RNF220: variants seen among roughly 807,000 people sequenced by gnomAD.
RNF220 encodes E3 ubiquitin-protein ligase RNF220.
RNF220 carries 7 observed loss-of-function variants against 67.1 expected under a neutral mutation model. The observed-to-expected ratio is 0.10, with a 90% CI of 0.06 to 0.20. RNF220 has a LOEUF of 0.20. Ranked by LOEUF, RNF220 falls within the 10% of genes least tolerant of loss-of-function variation. The pLI, the probability that RNF220 is intolerant of heterozygous loss-of-function variation, is 1.00. For missense variants in RNF220, 565 were observed against 740.3 expected, an observed-to-expected ratio of 0.76 and a Z score of 2.75; for synonymous variants, 270 against 283.2, an observed-to-expected ratio of 0.95 and a Z score of 0.47.
intron 3 of RNF220, among the ~76,000 whole-genome samples, chr1:44,617,584 C>T (rs1643613857): frequency 6.6e-6 from 1 of 152,252 alleles, no homozygotes; most frequent in Non-Finnish European, 1.5e-5. Flanking sequence ...CCAGCCTTGG[C>T]TGCCCTTGCC....
intron 2 of RNF220, among the ~76,000 whole-genome samples, chr1:44,585,815 T>C (rs912408550): frequency 6.6e-6 from 1 of 152,154 alleles, no homozygotes; most frequent in African/African-American, 2.4e-5. Context: ...GTTGGGAAGA[T>C]TGTTGTGAGA....
rs969855895 is a variant in RNF220, at chr1:44,504,185, T to C, written c.625+91463T>C. 3.9e-5 allele frequency among the ~76,000 whole-genome samples: 6 copies of C among 152,176 alleles called. 1 individual carries two copies. Among genetic ancestry groups the C allele is most frequent in the Non-Finnish European group, 7.3e-5 (5 of 68,036 alleles). ...TTAACAGGCTCTCAGATCATTCTGATGCTCCGTAAAGTTCTAGGTATGCTG... is the reference window on the plus strand; with the variant it reads ...TTAACAGGCTCTCAGATCATTCTGACGCTCCGTAAAGTTCTAGGTATGCTG... On this transcript the variant is annotated intron_variant, in intron 2 of 14. Transcript: ENST00000361799.
intron 2 of RNF220, among the ~76,000 whole-genome samples, chr1:44,542,945 A>G: frequency 6.6e-6 from 1 of 151,974 alleles, no homozygotes; most frequent in East Asian, 1.9e-4. Flanking sequence ...GGCCCGCTCC[A>G]GGGCCAGCCG....
intron 2 of RNF220, among the ~76,000 whole-genome samples, chr1:44,575,837 T>TA (rs1205480060): frequency 2.0e-5 from 3 of 152,330 alleles, no homozygotes; most frequent in East Asian, 3.9e-4. Flanking sequence ...ATCAAAGGGA[T>TA]CACTGTGCTT....
At chr1:44,589,592 T>C (rs549657537) in intron 2 of RNF220, among the ~76,000 whole-genome samples, 27 of 133,304 alleles carry the variant, frequency 2.0e-4, no homozygotes, top group Middle Eastern at 9.6e-3. Context: ...CCAGCCTGGG[T>C]GACAGAGCGA....
At chr1:44,416,258 C>G (rs1217935352) in intron 2 of RNF220, among the ~76,000 whole-genome samples, 1 of 152,232 alleles carries the variant, frequency 6.6e-6, no homozygotes, top group African/African-American at 2.4e-5. Context: ...TTGAATCAGT[C>G]CCCAAGACTC....
At chr1:44,547,013 G>A (rs1662214409) in intron 2 of RNF220, among the ~76,000 whole-genome samples, 1 of 152,210 alleles carries the variant, frequency 6.6e-6, no homozygotes. Context: ...GAAGGGAGAA[G>A]AAAACCAAGG....
At chr1:44,430,759 C>A (rs1400988365) in intron 2 of RNF220, among the ~76,000 whole-genome samples, 1 of 152,208 alleles carries the variant, frequency 6.6e-6, no homozygotes, top group Non-Finnish European at 1.5e-5. Context: ...CTTGGCCAGG[C>A]TGGTCTTGAA....
intron 2 of RNF220, among the ~76,000 whole-genome samples, chr1:44,528,060 C>T (rs1660538079): frequency 6.6e-6 from 1 of 151,394 alleles, no homozygotes; most frequent in African/African-American, 2.4e-5. Flanking sequence ...CAACAAAAGC[C>T]CCACCATAAA....
chr1:44,467,824 C>T (rs1443395127), intron 2 of RNF220, among the ~76,000 whole-genome samples: 1 of 152,152 alleles, frequency 6.6e-6, no homozygotes, highest in Non-Finnish European at 1.5e-5. Context: ...CTTTACTGAG[C>T]GTAGTCATTT....
intron 2 of RNF220, among the ~76,000 whole-genome samples, chr1:44,455,084 A>G (rs1318938541): frequency 6.6e-6 from 1 of 152,206 alleles, no homozygotes; most frequent in Non-Finnish European, 1.5e-5. Context: ...GTTAAATGGT[A>G]AGTTTAAGTT....
chr1:44,453,738 CTTTA>C (rs1557940813), intron 2 of RNF220, among the ~76,000 whole-genome samples: 1 of 151,848 alleles, frequency 6.6e-6, no homozygotes, highest in Admixed American at 6.6e-5. Context: ...TAGTAGTCTT[CTTTA>C]TTTATGCTAT....
At chr1:44,425,425 A>G (rs745654376) in intron 2 of RNF220, among the ~76,000 whole-genome samples, 2 of 152,148 alleles carry the variant, frequency 1.3e-5, no homozygotes, top group Non-Finnish European at 2.9e-5. Context: ...ACCCAGGATC[A>G]CTGTTTCTTC....
chr1:44,471,528 A>G (rs1421999908), intron 2 of RNF220, among the ~76,000 whole-genome samples: 1 of 151,020 alleles, frequency 6.6e-6, no homozygotes, highest in African/African-American at 2.4e-5. Flanking sequence ...CACGCTATAA[A>G]GAAGACTCAT....
In RNF220 at chr1:44,417,365, T is replaced by C. The variant is rs911925451; in HGVS notation, c.625+4643T>C. On this transcript the variant is annotated intron_variant, in intron 2 of 14. Coordinates refer to ENST00000361799, the MANE Select transcript of RNF220 (RefSeq NM_018150.4). The surrounding 1 kb of genome is among the most constrained non-coding windows in gnomAD (Gnocchi z 4.0). Reference sequence around the variant, plus strand: ...TTCATGCTGCTGGGTTTAATTGTCTTGTTGGGATAAAGAAATGTTTGCACA... The same window carrying C: ...TTCATGCTGCTGGGTTTAATTGTCTCGTTGGGATAAAGAAATGTTTGCACA... 3.9e-5 allele frequency among the ~76,000 whole-genome samples: 6 copies of C among 152,176 alleles called. No homozygotes were observed. Among genetic ancestry groups the C allele is most frequent in the African/African-American group, 1.4e-4 (6 of 41,440 alleles).
intron 2 of RNF220, among the ~76,000 whole-genome samples, chr1:44,506,078 T>G (rs1658389581): frequency 6.6e-6 from 1 of 152,192 alleles, no homozygotes; most frequent in Admixed American, 6.5e-5. Flanking sequence ...AACAAAAAGA[T>G]AAACACATAA....
chr1:44,405,077 A>G (rs1349138731), upstream of RNF220: 2 of 162,416 alleles, frequency 1.2e-5, no homozygotes, highest in African/African-American at 4.8e-5. Flanking sequence ...GGTGAGGGCC[A>G]GCAGGTCTGT....
chr1:44,440,009 T>C (rs1651389157), intron 2 of RNF220, among the ~76,000 whole-genome samples: 1 of 152,204 alleles, frequency 6.6e-6, no homozygotes, highest in African/African-American at 2.4e-5. Context: ...AGTTAAGGTT[T>C]TGTGACTGAG....
At chr1:44,487,221 G>A (rs1277688390) in intron 2 of RNF220, among the ~76,000 whole-genome samples, 1 of 151,970 alleles carries the variant, frequency 6.6e-6, no homozygotes, top group Admixed American at 6.6e-5. Context: ...TGTAGTCTCA[G>A]CTACTTGAGG....
Sources: gnomAD v4.1 joint callset for allele counts (sites outside exome capture counted in the v4.1 genomes callset) on GRCh38, gnomAD v4.1.1 for gene constraint, Gnocchi (gnomAD v3.1) non-coding constraint, MANE v1.5 for transcripts, NCBI Gene and HGNC (gene_info 2026-07-23, HGNC 2026-07-21) for gene names.